Variants in TYK2 observed in about 807,000 individuals in gnomAD.
TYK2 encodes tyrosine kinase 2.
In TYK2, 65 loss-of-function variants were observed where a neutral mutation model predicts 130.9. That is an observed-to-expected ratio of 0.50 (90% CI 0.41 to 0.61). The LOEUF (loss-of-function observed/expected upper bound fraction) is 0.61, where lower values mean the gene tolerates loss of function less well. Among genes scored for constraint, TYK2 ranks in the 20% least tolerant of loss-of-function variants. The probability of loss-of-function intolerance (pLI) is 0.00; values close to 1 mark genes in which losing one functional copy is unlikely to be tolerated. For synonymous variants in TYK2, 647 were observed against 658.9 expected (o/e 0.98, Z 0.28); for missense variants, 1,378 against 1,610.7 (o/e 0.86, Z 2.47).
Position 10,373,303 on chromosome 19 carries a change from G to A in TYK2, c.194-4885C>T, listed in dbSNP as rs1029093860. Among the ~76,000 whole-genome samples the A allele has an allele frequency of 1.8e-4, 27 of 151,804 alleles. 1 individual carries two copies. Among genetic ancestry groups the A allele is most frequent in the South Asian group, 8.3e-4 (4 of 4,816 alleles). On this transcript the variant is annotated intron_variant, in intron 3 of 24. Transcript: ENST00000525621. ...TCCACCCGCCTTGGCCTCCCTAAGCGCAAGGATTACAAGTGTGAGCTACGG... is the reference window on the plus strand; with the variant it reads ...TCCACCCGCCTTGGCCTCCCTAAGCACAAGGATTACAAGTGTGAGCTACGG...
At chr19:10,375,114 C>G (rs1330275360) in intron 3 of TYK2, among the ~76,000 whole-genome samples, 1 of 150,860 alleles carries the variant, frequency 6.6e-6, no homozygotes, top group Non-Finnish European at 1.5e-5. Context: ...GGCTGCAATG[C>G]GTCATGATTG....
chr19:10,359,052 A>C, intron 15 of TYK2, 123 bp downstream of exon 15: 7 of 1,353,932 alleles, frequency 5.2e-6, no homozygotes, highest in Non-Finnish European at 7.1e-6. Context: ...GACAGGGCGA[A>C]ACTCCACCTA....
rs369615833 is a variant in TYK2, at chr19:10,362,556, C to T, written c.1469G>A (p.Arg490His). The T allele has an allele frequency of 1.1e-4, 165 of 1,555,038 alleles. No individual in the cohort carries two copies. Among genetic ancestry groups the T allele is most frequent in the Middle Eastern group, 3.3e-4 (2 of 5,996 alleles). ...CCCCAGCCCTGGGCTCACCTGGCTA[C>T]GCTGGGCCACTGTGAGGATCAGGCG... The part of the protein sequence containing the change: ...PYRLILTVAQ[R>H]SQAPDGMQSL... The change falls in exon 10 of 25, where the codon CGT becomes CAT. Residue 490 changes from arginine (R) to histidine (H), a missense_variant. Transcript: ENST00000525621.
chr19:10,356,735 C>T lies in TYK2; in HGVS notation c.2467-17G>A. On this transcript the variant is annotated splice_polypyrimidine_tract_variant and intron_variant, in intron 17 of 24. Coordinates refer to ENST00000525621, the MANE Select transcript of TYK2 (RefSeq NM_003331.5). ...ATGCTCCTTCTGTTGGGAAAGGGACCCAGAGGAGTCAACATCCTCCCCTCG... is the reference window on the plus strand; with the variant it reads ...ATGCTCCTTCTGTTGGGAAAGGGACTCAGAGGAGTCAACATCCTCCCCTCG... 1 of 1,591,836 alleles carries T rather than the reference C, an allele frequency of 6.3e-7. No homozygotes were observed. The highest frequency in any genetic ancestry group is 1.1e-5 in the South Asian group (1 of 88,026).
chr19:10,361,422 T>C lies in TYK2; in HGVS notation c.2047+89A>G, dbSNP rs2041393192. On this transcript the variant is annotated intron_variant, in intron 14 of 24. Coordinates refer to ENST00000525621, the MANE Select transcript of TYK2 (RefSeq NM_003331.5). The surrounding 1 kb of genome is among the most constrained non-coding windows in gnomAD (Gnocchi z 4.0). ...TGAGAAATAGGCATAGGTTGGGGTG[T>C]AGGTCGAGGGTTGGGGTACAGATCA... 7.9e-7 allele frequency: 1 copy of C among 1,271,362 alleles called. No individual in the cohort carries two copies. Among genetic ancestry groups the C allele is most frequent in the East Asian group, 2.5e-5 (1 of 39,606 alleles). 78.8% of individuals were successfully genotyped at this position (1,271,362 alleles called of 1,614,324 possible).
chr19:10,366,513 T>G lies in TYK2; in HGVS notation c.533A>C (p.His178Pro). 1.2e-6 allele frequency: 2 copies of G among 1,613,942 alleles called. No individual in the cohort carries two copies. The highest frequency in any genetic ancestry group is 1.7e-6 in the Non-Finnish European group (2 of 1,179,968). The change falls in exon 6 of 25, where the codon CAC becomes CCC. Residue 178 changes from histidine (H) to proline (P), a missense_variant. Coordinates refer to ENST00000525621, the MANE Select transcript of TYK2 (RefSeq NM_003331.5). ...CATGCCCAGGCTCTCATTCTTAAAG[T>G]GGTGGATCTCCTCCTCGGTCGACAG... ...WELSTEEEIH[H>P]FKNESLGMAF... is the part of the protein sequence containing the mutation.
chr19:10,376,775 T>C (rs908560348), intron 3 of TYK2, among the ~76,000 whole-genome samples: 2 of 152,032 alleles, frequency 1.3e-5, no homozygotes, highest in African/African-American at 4.8e-5. Context: ...CTAGTTTTTG[T>C]ATTTTTAGTA....
intron 2 of TYK2, among the ~76,000 whole-genome samples, chr19:10,379,163 C>A (rs1318492589): frequency 6.6e-6 from 1 of 151,710 alleles, no homozygotes; most frequent in Non-Finnish European, 1.5e-5. Flanking sequence ...CCGGCCTCTA[C>A]AAGAAATTTT....
In TYK2 at chr19:10,360,144, T is replaced by C. The variant is rs192201885; in HGVS notation, c.2048-842A>G. Among the ~76,000 whole-genome samples the C allele has an allele frequency of 8.4e-4, 127 of 151,872 alleles. 2 individuals carry two copies. In the East Asian group the frequency reaches 0.022, roughly 27 times the overall value. Reference sequence around the variant, plus strand: ...TTGCAGTGAGCCGAGATCACGCCACTGTATTCCAGCCTGGGTGACACAGTG... The same window carrying C: ...TTGCAGTGAGCCGAGATCACGCCACCGTATTCCAGCCTGGGTGACACAGTG... On this transcript the variant is annotated intron_variant, in intron 14 of 24. Transcript: ENST00000525621.
chr19:10,362,485 G>A, intron 10 of TYK2, 29 bp from the exon 11 acceptor site: 1 of 1,573,700 alleles, frequency 6.4e-7, no homozygotes, highest in Non-Finnish European at 8.6e-7. Flanking sequence ...GGTGGGAGCA[G>A]TAAGCAGGGG....
chr19:10,352,574 G>C, intron 22 of TYK2, 23 bp from the exon 23 acceptor site: 23 of 1,079,286 alleles, frequency 2.1e-5, no homozygotes, highest in Non-Finnish European at 2.9e-5. Context: ...GGGCACTCAG[G>C]CCACGGGGGG....
chr19:10,378,523 A>AGAT, intron 2 of TYK2, 97 bp from the exon 3 acceptor site: 1 of 974,012 alleles, frequency 1.0e-6, no homozygotes, highest in Non-Finnish European at 1.6e-6. Flanking sequence ...CCTGAGGGGA[A>AGAT]GATTCTGGGC....
At position 10,361,260 on chromosome 19, in the gene TYK2, A is replaced by C; in HGVS notation, c.2047+251T>G. The C allele has an allele frequency of 1.7e-6, 1 of 603,124 alleles. No homozygotes were observed. The highest frequency in any genetic ancestry group is 3.0e-6 in the Non-Finnish European group (1 of 331,604). 37.4% of individuals were successfully genotyped at this position (603,124 alleles called of 1,614,324 possible). On this transcript the variant is annotated intron_variant, in intron 14 of 24. Transcript: ENST00000525621. This position sits in a 1 kb window ranked among gnomAD's most constrained non-coding sequence, Gnocchi z 4.0. The stretch of plus-strand genomic sequence containing the variant: ...GATGGAAGTGGGGATGTAGTTGGGA[A>C]TCAGGGTGGGGGTTGAGACTGAGGG...
chr19:10,372,484 A>ATTTTTTTTTTT (rs1170442654), intron 3 of TYK2, among the ~76,000 whole-genome samples: 3 of 37,424 alleles, frequency 8.0e-5, no homozygotes, highest in African/African-American at 4.0e-4. Context: ...ATATATATAT[A>ATTTTTTTTTTT]TTTTTTTTTT....
intron 3 of TYK2, among the ~76,000 whole-genome samples, chr19:10,372,484 A>ATATATATATATATATATAT (rs1390400916): frequency 8.0e-5 from 3 of 37,424 alleles, no homozygotes; most frequent in Non-Finnish European, 4.5e-5. Flanking sequence ...ATATATATAT[A>ATATATATATATATATATAT]TTTTTTTTTT....
chr19:10,358,156 G>T lies in TYK2; in HGVS notation c.2176-18C>A. ...TTGTTCTCCTGAGGTGGGCAGGAGA[G>T]GGGGTGTGGCCACTCAGGAGAGGCA... On this transcript the variant is annotated intron_variant, in intron 15 of 24. Coordinates refer to ENST00000525621, the MANE Select transcript of TYK2 (RefSeq NM_003331.5). 2 of 1,596,414 alleles carry T rather than the reference G, an allele frequency of 1.3e-6. No homozygotes were observed. The highest frequency in any genetic ancestry group is 1.7e-6 in the Non-Finnish European group (2 of 1,172,010).
chr19:10,377,386 AGGTGGGTGGGTG>A (rs762043167), intron 3 of TYK2, among the ~76,000 whole-genome samples: 12,223 of 74,448 alleles, frequency 0.16, 626 homozygotes, highest in Middle Eastern at 0.34. Flanking sequence ...ATGGATGAAT[AGGTGGGTGGGTG>A]GGTGGATGGA....
Position 10,353,876 on chromosome 19 carries a change from G to C in TYK2, c.2908+166C>G. The stretch of plus-strand genomic sequence containing the variant: ...CCAGCAGGTAGCACCCCCCAGATGG[G>C]AAGGAGGCAGCCCAGCCACGCTCAC... On this transcript the variant is annotated intron_variant, in intron 20 of 24. Transcript: ENST00000525621. The surrounding 1 kb of genome is among the most constrained non-coding windows in gnomAD (Gnocchi z 6.9). The C allele has an allele frequency of 1.2e-6, 1 of 802,614 alleles. No individual in the cohort carries two copies. Among genetic ancestry groups the C allele is most frequent in the South Asian group, 1.6e-5 (1 of 61,234 alleles). 49.7% of individuals were successfully genotyped at this position (802,614 alleles called of 1,614,324 possible).
intron 3 of TYK2, among the ~76,000 whole-genome samples, chr19:10,372,083 T>C (rs1350032233): frequency 5.3e-5 from 8 of 151,752 alleles, no homozygotes; most frequent in African/African-American, 7.3e-5. Context: ...CTCTGCCTCC[T>C]GGGTTCACGC....
Sources: gnomAD v4.1 joint callset for allele counts (sites outside exome capture counted in the v4.1 genomes callset) on GRCh38, gnomAD v4.1.1 for gene constraint, Gnocchi (gnomAD v3.1) non-coding constraint, MANE v1.5 for transcripts, NCBI Gene and HGNC (gene_info 2026-07-23, HGNC 2026-07-21) for gene names.